The following ERG variants were observed in gnomAD, a reference collection of about 807,000 sequenced individuals.
ERG encodes the protein ETS transcription factor ERG.
ERG carries 9 observed loss-of-function variants against 55.3 expected under a neutral mutation model. That is an observed-to-expected ratio of 0.16 (90% CI 0.10 to 0.28). The LOEUF (loss-of-function observed/expected upper bound fraction) is 0.28, where lower values mean the gene tolerates loss of function less well. Ranked by LOEUF, ERG falls within the 10% of genes least tolerant of loss-of-function variation. The pLI is 1.00. For missense variants in ERG, 434 were observed against 631.6 expected (o/e 0.69, Z 3.35); for synonymous variants, 223 against 237.3 (o/e 0.94, Z 0.55).
intron 2 of ERG, among the ~76,000 whole-genome samples, chr21:38,428,209 A>G (rs1460912500): frequency 6.6e-6 from 1 of 151,978 alleles, no homozygotes; most frequent in Admixed American, 6.6e-5. Context: ...AGAAAAAAAG[A>G]AAAGGAAATT....
rs1601311199 is a variant in ERG, at chr21:38,382,135, G to A, written c.*1268C>T. 1.9e-6 allele frequency: 2 copies of A among 1,054,302 alleles called. No homozygotes were observed. The highest frequency in any genetic ancestry group is 5.5e-5 in the Admixed American group (1 of 18,320). 65.3% of individuals were successfully genotyped at this position (1,054,302 alleles called of 1,614,324 possible). ...TAAGCATACAGAGTTAAAATTCAAGGCCACATTATATCGATTGTCTCTTTT... is the reference window on the plus strand; with the variant it reads ...TAAGCATACAGAGTTAAAATTCAAGACCACATTATATCGATTGTCTCTTTT... On this transcript the variant is annotated 3_prime_UTR_variant, in exon 10 of 10. Coordinates refer to ENST00000288319, the MANE Select transcript of ERG (RefSeq NM_182918.4).
At chr21:38,579,827 T>A (rs570055724) in intron 1 of ERG, among the ~76,000 whole-genome samples, 1 of 148,922 alleles carries the variant, frequency 6.7e-6, no homozygotes, top group Non-Finnish European at 1.5e-5. Flanking sequence ...CTCTGACTCT[T>A]TTTTTTTTTT....
chr21:38,376,876 A>G (rs1987257830), downstream of ERG, among the ~76,000 whole-genome samples: 1 of 152,114 alleles, frequency 6.6e-6, no homozygotes, highest in Admixed American at 6.5e-5. Context: ...AGCAAGCAGC[A>G]CTCCCGCCCT....
chr21:38,489,551 C>A (rs1331574214), intron 1 of ERG, among the ~76,000 whole-genome samples: 2 of 152,382 alleles, frequency 1.3e-5, no homozygotes, highest in African/African-American at 4.8e-5. Flanking sequence ...TCCAATAACT[C>A]ATAAAAGTCA....
At chr21:38,611,936 A>AT (rs397716404) in intron 1 of ERG, among the ~76,000 whole-genome samples, 2 of 152,064 alleles carry the variant, frequency 1.3e-5, no homozygotes, top group Admixed American at 6.6e-5. Flanking sequence ...GAGGAAAAAA[A>AT]GCGGGGGGTT....
At chr21:38,480,178 GACTTCATCATGCT>G (rs1343373445) in intron 1 of ERG, among the ~76,000 whole-genome samples, 1 of 152,134 alleles carries the variant, frequency 6.6e-6, no homozygotes, top group African/African-American at 2.4e-5. Context: ...GATGGTACAA[GACTTCATCATGCT>G]ACTTAGCATG....
chr21:38,551,881 T>C (rs1442871358), intron 2 of ERG, among the ~76,000 whole-genome samples: 2 of 152,168 alleles, frequency 1.3e-5, no homozygotes, highest in Non-Finnish European at 1.5e-5. Context: ...CAAGTTTAGG[T>C]CTCAAATATG....
upstream of ERG, among the ~76,000 whole-genome samples, chr21:38,585,528 TC>T (rs1568931627): frequency 3.9e-5 from 5 of 128,312 alleles, no homozygotes; most frequent in African/African-American, 1.5e-4. Flanking sequence ...TCCCTCTCTC[TC>T]TTCTTTTTTT....
intron 2 of ERG, among the ~76,000 whole-genome samples, chr21:38,570,515 G>A (rs1465027628): frequency 6.6e-6 from 1 of 152,150 alleles, no homozygotes; most frequent in Admixed American, 6.5e-5. Flanking sequence ...TCTTTAAGAT[G>A]GGTACGCCAC....
chr21:38,458,555 TGCACTTTC>T (rs990686378), intron 1 of ERG, among the ~76,000 whole-genome samples: 8 of 152,222 alleles, frequency 5.3e-5, no homozygotes, highest in Admixed American at 4.6e-4. Context: ...GCAATCACAA[TGCACTTTC>T]GCAATATTTA....
At chr21:38,515,554 TC>T (rs1008337736) in intron 2 of ERG, among the ~76,000 whole-genome samples, 1 of 151,926 alleles carries the variant, frequency 6.6e-6, no homozygotes, top group African/African-American at 2.4e-5. Context: ...AGGAGAGAAT[TC>T]TTCCTAATTC....
intron 2 of ERG, among the ~76,000 whole-genome samples, chr21:38,423,936 A>C (rs1687910849): frequency 6.6e-6 from 1 of 152,180 alleles, no homozygotes. Flanking sequence ...AGATCATGCC[A>C]CTGCACTCCA....
chr21:38,498,369 A>C lies in ERG; in HGVS notation c.12T>G (p.Thr4=), dbSNP rs1187597223. MAS[T]IKEALSVVSE... ...AAAGGAACCCTTTCCTTACCTTAATAGTGCTGGCCATAATGCGATCAAGTT... is the reference window on the plus strand; with the variant it reads ...AAAGGAACCCTTTCCTTACCTTAATCGTGCTGGCCATAATGCGATCAAGTT... Residue 4 remains threonine, a synonymous_variant, in exon 1 of 10, where the codon ACT becomes ACG. Coordinates refer to ENST00000288319, the MANE Select transcript of ERG (RefSeq NM_182918.4). This position sits in a 1 kb window ranked among gnomAD's most constrained non-coding sequence, Gnocchi z 4.6. 1.2e-6 allele frequency: 2 copies of C among 1,602,600 alleles called. No individual in the cohort carries two copies. The highest frequency in any genetic ancestry group is 1.7e-6 in the Non-Finnish European group (2 of 1,171,498).
At chr21:38,611,309 A>C (rs1362410622) in intron 1 of ERG, among the ~76,000 whole-genome samples, 1 of 152,144 alleles carries the variant, frequency 6.6e-6, no homozygotes, top group Non-Finnish European at 1.5e-5. Flanking sequence ...GAAAACATCC[A>C]TCAGATCACA....
intron 2 of ERG, among the ~76,000 whole-genome samples, chr21:38,508,012 G>T (rs200111652): frequency 5.5e-4 from 1 of 1,822 alleles, no homozygotes; most frequent in South Asian, 5.7e-3. Flanking sequence ...CACACACAGA[G>T]ACACACAAAC....
intron 6 of ERG, among the ~76,000 whole-genome samples, chr21:38,393,048 C>A (rs541381692): frequency 1.3e-5 from 2 of 152,206 alleles, no homozygotes; most frequent in South Asian, 4.1e-4. Flanking sequence ...CAAATGTCTC[C>A]CATTTCTAAT....
chr21:38,419,210 T>C (rs1989428650), intron 3 of ERG, among the ~76,000 whole-genome samples: 1 of 152,188 alleles, frequency 6.6e-6, no homozygotes, highest in Non-Finnish European at 1.5e-5. Flanking sequence ...CAGTACCCTT[T>C]GGGAAGGCAC....
intron 3 of ERG, among the ~76,000 whole-genome samples, chr21:38,404,701 C>T (rs1485867240): frequency 6.6e-6 from 1 of 152,194 alleles, no homozygotes; most frequent in Non-Finnish European, 1.5e-5. Context: ...CTGTGTCTGT[C>T]CCACCTGTAA....
intron 6 of ERG, among the ~76,000 whole-genome samples, chr21:38,397,956 G>C (rs1049351488): frequency 6.6e-6 from 1 of 152,134 alleles, no homozygotes. Flanking sequence ...ACCAGAGTTC[G>C]GTTCCCTCGG....
Sources: gnomAD v4.1 joint callset for allele counts (sites outside exome capture counted in the v4.1 genomes callset) on GRCh38, gnomAD v4.1.1 for gene constraint, Gnocchi (gnomAD v3.1) non-coding constraint, MANE v1.5 for transcripts, NCBI Gene and HGNC (gene_info 2026-07-23, HGNC 2026-07-21) for gene names.